Variants in EEFSEC observed in about 807,000 individuals in gnomAD.
The protein encoded by EEFSEC is eukaryotic elongation factor, selenocysteine-tRNA specific, also known as selenocysteine-specific elongation factor.
EEFSEC carries 43 observed loss-of-function variants against 42.1 expected under a neutral mutation model. The ratio of observed to expected loss-of-function variants is 1.02; its 90% CI spans 0.80 to 1.32. EEFSEC has a LOEUF of 1.32. EEFSEC is among the 40% of genes most tolerant of loss of function. EEFSEC has a pLI of 0.00. For synonymous variants in EEFSEC, 354 were observed against 339.1 expected (o/e 1.04, Z -0.48); for missense variants, 745 against 803.6 (o/e 0.93, Z 0.88).
chr3:128,298,204 T>C (rs1328980773), intron 4 of EEFSEC, among the ~76,000 whole-genome samples: 2 of 152,230 alleles, frequency 1.3e-5, no homozygotes, highest in Non-Finnish European at 2.9e-5. Context: ...CTGTCACTCA[T>C]GCTGGAATAC....
At chr3:128,249,926 A>G (rs564827558) in intron 2 of EEFSEC, among the ~76,000 whole-genome samples, 12 of 152,210 alleles carry the variant, frequency 7.9e-5, no homozygotes, top group Admixed American at 1.3e-4. Context: ...TCTGCTTTCA[A>G]TTCCTCTCAG....
At chr3:128,205,597 G>A (rs962540101) in intron 1 of EEFSEC, among the ~76,000 whole-genome samples, 6 of 152,228 alleles carry the variant, frequency 3.9e-5, no homozygotes, top group African/African-American at 1.4e-4. Context: ...TTCGCCCTGT[G>A]TAAACATTTT....
chr3:128,174,074 A>C (rs1481816284), intron 1 of EEFSEC, among the ~76,000 whole-genome samples: 1 of 152,174 alleles, frequency 6.6e-6, no homozygotes, highest in Admixed American at 6.5e-5. Context: ...TATTTCTGCC[A>C]CCTGGAGGAG....
chr3:128,278,313 T>A (rs1411793673), intron 4 of EEFSEC, among the ~76,000 whole-genome samples: 3 of 152,098 alleles, frequency 2.0e-5, no homozygotes, highest in Non-Finnish European at 4.4e-5. Flanking sequence ...TAACAAGGCT[T>A]TGTGATGGAC....
At chr3:128,292,716 G>T (rs185287674) in intron 4 of EEFSEC, among the ~76,000 whole-genome samples, 57 of 151,866 alleles carry the variant, frequency 3.8e-4, no homozygotes, top group Non-Finnish European at 6.6e-4. Context: ...CTTGCTAGAT[G>T]TTTGTTTATT....
intron 1 of EEFSEC, among the ~76,000 whole-genome samples, chr3:128,189,558 C>CTTTTT (rs3037702): frequency 5.8e-5 from 8 of 137,146 alleles, no homozygotes; most frequent in East Asian, 2.1e-4. Flanking sequence ...GACTTCTTTT[C>CTTTTT]TTTTTTTTTT....
At chr3:128,189,066 A>G (rs1259933391) in intron 1 of EEFSEC, among the ~76,000 whole-genome samples, 1 of 152,180 alleles carries the variant, frequency 6.6e-6, no homozygotes, top group Non-Finnish European at 1.5e-5. Context: ...TACTTCCAGC[A>G]CAGCAAGACA....
intron 1 of EEFSEC, among the ~76,000 whole-genome samples, chr3:128,207,410 C>T (rs1010162406): frequency 6.6e-6 from 1 of 151,978 alleles, no homozygotes; most frequent in African/African-American, 2.4e-5. Flanking sequence ...AGAGGAGCCA[C>T]ATTGTTTGTT....
At chr3:128,218,483 A>C (rs2254379) in intron 1 of EEFSEC, among the ~76,000 whole-genome samples, 19,911 of 152,262 alleles carry the variant, frequency 0.13, 1,534 homozygotes, top group Admixed American at 0.2. Flanking sequence ...CGCAGTGTCC[A>C]TGTCTTAGAG....
At chr3:128,274,712 T>C (rs1225450117) in intron 4 of EEFSEC, among the ~76,000 whole-genome samples, 1 of 152,206 alleles carries the variant, frequency 6.6e-6, no homozygotes, top group Non-Finnish European at 1.5e-5. Flanking sequence ...GAAACAACAT[T>C]TATGGAATGC....
At chr3:128,354,612 C>T (rs1162038920) in intron 5 of EEFSEC, among the ~76,000 whole-genome samples, 2 of 152,212 alleles carry the variant, frequency 1.3e-5, no homozygotes, top group African/African-American at 2.4e-5. Context: ...ACTTTGGGGT[C>T]ATCTCTGTCT....
chr3:128,225,457 G>A (rs890399419), intron 1 of EEFSEC, among the ~76,000 whole-genome samples: 5 of 152,206 alleles, frequency 3.3e-5, no homozygotes, highest in African/African-American at 1.2e-4. Flanking sequence ...CCATGCACTC[G>A]CTGTGTGTTT....
chr3:128,354,292 CAA>C (rs774478175), intron 5 of EEFSEC, among the ~76,000 whole-genome samples: 3 of 152,188 alleles, frequency 2.0e-5, no homozygotes, highest in South Asian at 4.1e-4. Context: ...AGCCATAAAA[CAA>C]GAGAGCAGGA....
At chr3:128,367,662 C>G in intron 6 of EEFSEC, 8 of 985,426 alleles carry the variant, frequency 8.1e-6, no homozygotes, top group Non-Finnish European at 8.4e-6. Flanking sequence ...ACTTATGTCC[C>G]CTTCCCACCT....
At chr3:128,393,135 C>T (rs1338673335) in intron 6 of EEFSEC, among the ~76,000 whole-genome samples, 1 of 152,202 alleles carries the variant, frequency 6.6e-6, no homozygotes, top group Non-Finnish European at 1.5e-5. Context: ...AGCTTTCTTT[C>T]CAGAGCCCTC....
At chr3:128,241,392 T>C (rs2107887797) in intron 1 of EEFSEC, among the ~76,000 whole-genome samples, 1 of 152,122 alleles carries the variant, frequency 6.6e-6, no homozygotes, top group East Asian at 1.9e-4. Flanking sequence ...GTATTTTGTA[T>C]AGAGACAGGG....
At chr3:128,278,682 T>C (rs746211965) in intron 4 of EEFSEC, among the ~76,000 whole-genome samples, 1 of 152,210 alleles carries the variant, frequency 6.6e-6, no homozygotes, top group Non-Finnish European at 1.5e-5. Context: ...ATAATTCCGA[T>C]GCTTTAAAGG....
chr3:128,386,068 A>G (rs1459852463), intron 6 of EEFSEC, among the ~76,000 whole-genome samples: 1 of 152,248 alleles, frequency 6.6e-6, no homozygotes, highest in Non-Finnish European at 1.5e-5. Flanking sequence ...TTATGGCAGC[A>G]TAGAATGTTC....
At chr3:128,316,890 G>A (rs1004376997) in intron 4 of EEFSEC, among the ~76,000 whole-genome samples, 7 of 152,222 alleles carry the variant, frequency 4.6e-5, no homozygotes, top group East Asian at 3.9e-4. Context: ...TCCCAGCCCC[G>A]ACCTTCCTTG....
Sources: gnomAD v4.1 joint callset for allele counts (sites outside exome capture counted in the v4.1 genomes callset) on GRCh38, gnomAD v4.1.1 for gene constraint, MANE v1.5 for transcripts, NCBI Gene and HGNC (gene_info 2026-07-23, HGNC 2026-07-21) for gene names.